The following DTNA variants were observed in gnomAD, a reference collection of about 807,000 sequenced individuals.
DTNA encodes dystrobrevin alpha.
Under a neutral mutation model 100.7 loss-of-function variants are expected in DTNA, and 43 were observed. The observed-to-expected ratio is 0.43, with a 90% CI of 0.33 to 0.55. The LOEUF is 0.55. Among genes scored for constraint, DTNA ranks in the 20% least tolerant of loss-of-function variants. The probability of loss-of-function intolerance (pLI) is 0.04; values close to 1 mark genes in which losing one functional copy is unlikely to be tolerated. For missense variants in DTNA, 798 were observed against 953.9 expected (o/e 0.84, Z 2.15); for synonymous variants, 349 against 347.9 (o/e 1.00, Z -0.04).
chr18:34,538,217 G>A (rs990150467), intron 1 of DTNA, among the ~76,000 whole-genome samples: 20 of 152,184 alleles, frequency 1.3e-4, no homozygotes, highest in African/African-American at 4.8e-4. Flanking sequence ...CTATCAAATT[G>A]TTGACGCAGA....
At chr18:34,625,982 G>A (rs2057266957) in intron 1 of DTNA, among the ~76,000 whole-genome samples, 1 of 152,150 alleles carries the variant, frequency 6.6e-6, no homozygotes, top group African/African-American at 2.4e-5. Context: ...CTTTGTGAAT[G>A]CCAAGACAAG....
intron 1 of DTNA, among the ~76,000 whole-genome samples, chr18:34,511,159 G>A (rs1360933432): frequency 1.3e-5 from 2 of 151,972 alleles, no homozygotes; most frequent in Non-Finnish European, 1.5e-5. Context: ...GCATGAGTAA[G>A]GCATTCTTAC....
intron 1 of DTNA, among the ~76,000 whole-genome samples, chr18:34,510,069 T>TGTGTGTG (rs2040884110): frequency 2.0e-4 from 29 of 144,960 alleles, no homozygotes; most frequent in African/African-American, 6.1e-4. Context: ...GAGTGTAATT[T>TGTGTGTG]TGTGTGTGTG....
At chr18:34,842,993 T>C (rs1006140116) in intron 13 of DTNA, among the ~76,000 whole-genome samples, 1 of 152,114 alleles carries the variant, frequency 6.6e-6, no homozygotes, top group Non-Finnish European at 1.5e-5. Context: ...ATCTCTGACA[T>C]CTAGCACAGT....
At chr18:34,564,730 AT>A (rs1420413146) in intron 1 of DTNA, among the ~76,000 whole-genome samples, 3 of 152,182 alleles carry the variant, frequency 2.0e-5, no homozygotes, top group African/African-American at 7.2e-5. Context: ...CCATTTGGCT[AT>A]TTTATTTGCA....
At chr18:34,678,102 C>T (rs2077611852) in intron 1 of DTNA, among the ~76,000 whole-genome samples, 2 of 152,130 alleles carry the variant, frequency 1.3e-5, no homozygotes, top group African/African-American at 4.8e-5. Context: ...ACAAGAACAG[C>T]ATGGGGATAA....
At chr18:34,806,789 A>G (rs1339405581) in intron 5 of DTNA, among the ~76,000 whole-genome samples, 1 of 152,234 alleles carries the variant, frequency 6.6e-6, no homozygotes, top group Non-Finnish European at 1.5e-5. Flanking sequence ...ACATAGAGAC[A>G]GCATTGGCAG....
At chr18:34,654,012 C>T (rs2073995166) in intron 1 of DTNA, among the ~76,000 whole-genome samples, 1 of 152,170 alleles carries the variant, frequency 6.6e-6, no homozygotes, top group Non-Finnish European at 1.5e-5. Flanking sequence ...AGATAATTTA[C>T]TAAAGCCAAC....
chr18:34,770,462 A>G (rs963279840), intron 3 of DTNA, among the ~76,000 whole-genome samples: 2 of 152,120 alleles, frequency 1.3e-5, no homozygotes, highest in East Asian at 1.9e-4. Context: ...TTAATTCCCT[A>G]TAGTTCTTTC....
Position 34,864,157 on chromosome 18 carries a change from A to G in DTNA, c.1743+95A>G, listed in dbSNP as rs931850447. On this transcript the variant is annotated intron_variant, in intron 17 of 22. Coordinates refer to ENST00000444659, the MANE Select transcript of DTNA (RefSeq NM_001386795.1). Reference sequence around the variant, plus strand: ...GTGCAATGGTTTTTCCAATTGCTGTATGTGATTTCCCTCAACATGTTGTTT... The same window carrying G: ...GTGCAATGGTTTTTCCAATTGCTGTGTGTGATTTCCCTCAACATGTTGTTT... 5 of 1,083,380 alleles carry G rather than the reference A, an allele frequency of 4.6e-6. No homozygotes were observed. The South Asian group carries it at 6.8e-5, about 15-fold the overall frequency. 67.1% of individuals were successfully genotyped at this position (1,083,380 alleles called of 1,614,324 possible). A position where few individuals can be genotyped will look rare whatever the true frequency, so the allele number is the denominator to read the frequency against.
chr18:34,799,309 C>T (rs1213044270), intron 4 of DTNA, among the ~76,000 whole-genome samples: 2 of 152,140 alleles, frequency 1.3e-5, no homozygotes, highest in African/African-American at 2.4e-5. Context: ...ACAAAAAAGA[C>T]CACAGAACTA....
intron 17 of DTNA, among the ~76,000 whole-genome samples, chr18:34,864,583 A>G (rs891128679): frequency 6.6e-6 from 1 of 152,178 alleles, no homozygotes; most frequent in Non-Finnish European, 1.5e-5. Flanking sequence ...TCCTGAAACC[A>G]GACTGCTGAG....
At chr18:34,634,378 TAAC>T (rs768326052) in intron 1 of DTNA, among the ~76,000 whole-genome samples, 32 of 152,262 alleles carry the variant, frequency 2.1e-4, no homozygotes, top group East Asian at 1.7e-3. Flanking sequence ...AAGTCAAAAA[TAAC>T]AAACCATTTA....
At chr18:34,798,011 T>A (rs768776809) in intron 4 of DTNA, among the ~76,000 whole-genome samples, 1 of 152,210 alleles carries the variant, frequency 6.6e-6, no homozygotes, top group Non-Finnish European at 1.5e-5. Flanking sequence ...TTTAACTATT[T>A]TTTTTTAAGA....
intron 1 of DTNA, among the ~76,000 whole-genome samples, chr18:34,733,353 A>C (rs2088773085): frequency 6.6e-6 from 1 of 152,164 alleles, no homozygotes; most frequent in Non-Finnish European, 1.5e-5. Context: ...GTATAAATTA[A>C]GTAGGAATGC....
chr18:34,679,660 A>G lies in DTNA; in HGVS notation c.-1-76316A>G, dbSNP rs138768018. 2.9e-3 allele frequency: 445 copies of G among 152,298 alleles called. 2 individuals are homozygous for G. The highest frequency in any genetic ancestry group is 0.01 in the African/African-American group (419 of 41,568). The allele number at this position is 152,298 out of a possible 1,614,324, so 9.4% of individuals were successfully genotyped here. ...TGTTTCTCTTTAGAGTGCTCCTCTC[A>G]TTTGCCTGAAAAGAAAATGGGTTTA... is the stretch of plus-strand genomic sequence containing the variant. On this transcript the variant is annotated intron_variant, in intron 1 of 19. Coordinates refer to the DTNA transcript ENST00000283365.
chr18:34,546,274 G>A (rs977335088), intron 1 of DTNA, among the ~76,000 whole-genome samples: 1 of 151,996 alleles, frequency 6.6e-6, no homozygotes, highest in Non-Finnish European at 1.5e-5. Context: ...TCTAACCAAA[G>A]GCATACATGT....
chr18:34,877,509 TGTC>T (rs1382429084), intron 18 of DTNA, among the ~76,000 whole-genome samples: 1 of 152,236 alleles, frequency 6.6e-6, no homozygotes, highest in Non-Finnish European at 1.5e-5. Context: ...TCATTAGCCA[TGTC>T]TTCTTACTGC....
At chr18:34,551,770 C>A (rs1601752712) in intron 1 of DTNA, among the ~76,000 whole-genome samples, 1 of 152,168 alleles carries the variant, frequency 6.6e-6, no homozygotes, top group East Asian at 1.9e-4. Flanking sequence ...AAATATATAT[C>A]ACATTGCATC....
Sources: allele counts gnomAD v4.1 joint callset (sites outside exome capture counted in the v4.1 genomes callset), GRCh38; gene constraint gnomAD v4.1.1; transcripts MANE v1.5; gene names NCBI Gene and HGNC (gene_info 2026-07-23, HGNC 2026-07-21).